Variants in RAD51B observed in about 807,000 individuals in gnomAD.
RAD51B encodes RAD51 paralog B, also known as DNA repair protein RAD51 homolog 2.
Under a neutral mutation model 42.2 loss-of-function variants are expected in RAD51B, and 38 were observed. The observed-to-expected ratio is 0.90, with a 90% CI of 0.70 to 1.18. The LOEUF (loss-of-function observed/expected upper bound fraction) is 1.18. Ranked by LOEUF, RAD51B falls within the 50% of genes most tolerant of loss-of-function variation. The pLI, the probability that RAD51B is intolerant of heterozygous loss-of-function variation, is 0.00. For synonymous variants in RAD51B, 154 were observed against 145.2 expected, an observed-to-expected ratio of 1.06 and a Z score of -0.43; for missense variants, 373 against 400.7, an observed-to-expected ratio of 0.93 and a Z score of 0.59.
At chr14:68,401,326 G>A (rs1219407715) in intron 8 of RAD51B, among the ~76,000 whole-genome samples, 5 of 152,124 alleles carry the variant, frequency 3.3e-5, no homozygotes, top group Non-Finnish European at 7.4e-5. Context: ...AAAGTATTTT[G>A]TTAAGACTCT....
At chr14:67,990,457 A>G (rs1348907198) in intron 7 of RAD51B, among the ~76,000 whole-genome samples, 1 of 152,142 alleles carries the variant, frequency 6.6e-6, no homozygotes, top group African/African-American at 2.4e-5. Flanking sequence ...TTGCCATACA[A>G]CCCGTTCCTT....
intron 10 of RAD51B, among the ~76,000 whole-genome samples, chr14:68,474,971 G>A (rs1882436492): frequency 1.3e-5 from 2 of 152,162 alleles, no homozygotes; most frequent in South Asian, 4.1e-4. Flanking sequence ...GAAGAGCCCA[G>A]GCCATTGACT....
At chr14:68,610,843 A>ATGTGTGTGTGTGTGTGTGTGTGTG (rs60173412) in intron 10 of RAD51B, among the ~76,000 whole-genome samples, 5 of 144,896 alleles carry the variant, frequency 3.5e-5, no homozygotes, top group African/African-American at 7.7e-5. Flanking sequence ...CTGAATGTAT[A>ATGTGTGTGTGTGTGTGTGTGTGTG]TGTGTGTGTG....
intron 11 of RAD51B, among the ~76,000 whole-genome samples, chr14:68,657,218 G>A (rs8006890): frequency 0.19 from 28,659 of 151,158 alleles, 2,904 homozygotes; most frequent in Admixed American, 0.23. Context: ...TAGGTCTCGC[G>A]GTGGGGGGAA....
chr14:68,264,410 G>C (rs1026355411), intron 7 of RAD51B, among the ~76,000 whole-genome samples: 1 of 152,256 alleles, frequency 6.6e-6, no homozygotes, highest in Non-Finnish European at 1.5e-5. Context: ...CTTGGTGATA[G>C]AATTTACCAG....
chr14:68,622,673 C>T (rs1242262410), intron 10 of RAD51B, among the ~76,000 whole-genome samples: 1 of 145,016 alleles, frequency 6.9e-6, no homozygotes, highest in Non-Finnish European at 1.5e-5. Flanking sequence ...TCCTGATAGC[C>T]CTTGGTGACT....
At chr14:68,046,712 G>A (rs2076306264) in intron 7 of RAD51B, among the ~76,000 whole-genome samples, 1 of 152,070 alleles carries the variant, frequency 6.6e-6, no homozygotes, top group African/African-American at 2.4e-5. Context: ...CTCCAACCTG[G>A]GCGACAGAGT....
At position 68,473,291 on chromosome 14, in the gene RAD51B, G is replaced by A. The variant is rs569002292; in HGVS notation, c.1037-4357G>A. ...GTGAACTCCTCTCCCAGAGGTCATG[G>A]AGAAGAAGGCAAAGCAGGCCTGTCA... On this transcript the variant is annotated intron_variant, in intron 10 of 10. Coordinates refer to ENST00000471583, the MANE Select transcript of RAD51B (RefSeq NM_133510.4). Among the ~76,000 whole-genome samples, 22 of 152,326 alleles carry A rather than the reference G, an allele frequency of 1.4e-4. 1 individual carries two copies. The highest frequency in any genetic ancestry group is 1.4e-3 in the Admixed American group (21 of 15,306).
At chr14:67,966,384 C>A (rs1169137150) in intron 7 of RAD51B, among the ~76,000 whole-genome samples, 1 of 152,170 alleles carries the variant, frequency 6.6e-6, no homozygotes, top group Non-Finnish European at 1.5e-5. Context: ...TTCTCCCTAA[C>A]CATTGCATCT....
At chr14:68,081,703 G>A (rs980061220) in intron 7 of RAD51B, among the ~76,000 whole-genome samples, 7 of 152,158 alleles carry the variant, frequency 4.6e-5, no homozygotes, top group East Asian at 3.9e-4. Flanking sequence ...CAGGGCATGC[G>A]ACAAGGGGGA....
chr14:68,275,455 A>T (rs1249691692), intron 7 of RAD51B, among the ~76,000 whole-genome samples: 1 of 152,014 alleles, frequency 6.6e-6, no homozygotes, highest in African/African-American at 2.4e-5. Context: ...AAAAAAAAGT[A>T]GTGGAACAAA....
intron 7 of RAD51B, among the ~76,000 whole-genome samples, chr14:68,199,924 G>A (rs1183635510): frequency 2.0e-5 from 3 of 152,190 alleles, no homozygotes; most frequent in African/African-American, 4.8e-5. Flanking sequence ...CCAGCAACCC[G>A]CCAATCTCTT....
chr14:67,871,335 AG>A lies in RAD51B; in HGVS notation c.452+6197del, dbSNP rs747543124. On this transcript the variant is annotated intron_variant, in intron 5 of 10. Transcript: ENST00000471583. ...TCTATGCAAATAAACTAGAAAATCT[AG>A]AAGAAATGGATAAACTTCTGGACAC... Among the ~76,000 whole-genome samples the A allele has an allele frequency of 2.6e-5, 4 of 152,252 alleles. No individual in the cohort carries two copies. The South Asian group carries it at 6.2e-4, about 24-fold the overall frequency.
At chr14:68,417,884 C>T (rs8010439) in intron 9 of RAD51B, among the ~76,000 whole-genome samples, 55,883 of 152,032 alleles carry the variant, frequency 0.37, 10,509 homozygotes, top group East Asian at 0.5. Flanking sequence ...GAGGGTTCCG[C>T]TGGAAATTGC....
In RAD51B at chr14:68,034,255, A is replaced by G. The variant is rs1566593865; in HGVS notation, c.756+147051A>G. Among the ~76,000 whole-genome samples, 3 of 151,496 alleles carry G rather than the reference A, an allele frequency of 2.0e-5. 1 individual carries two copies. Among genetic ancestry groups the G allele is most frequent in the Admixed American group, 2.0e-4 (3 of 15,252 alleles). On this transcript the variant is annotated intron_variant, in intron 7 of 10. Transcript: ENST00000471583. Reference sequence around the variant, plus strand: ...TTAGACACGTTTTAAGATCAGTAAGAATCATCTGCTTTTTTTTTTTTTGGT... The same window carrying G: ...TTAGACACGTTTTAAGATCAGTAAGGATCATCTGCTTTTTTTTTTTTTGGT...
rs144948250 is a variant in RAD51B, at chr14:68,174,949, A to G, written c.757-116935A>G. ...CTTTATCCTCCTTGCAAATAATGAT[A>G]TTAAGTTAGTGTAAATATTAATAAT... On this transcript the variant is annotated intron_variant, in intron 7 of 10. Coordinates refer to ENST00000471583, the MANE Select transcript of RAD51B (RefSeq NM_133510.4). Among the ~76,000 whole-genome samples the G allele has an allele frequency of 1.7e-4, 26 of 152,282 alleles. No homozygotes were observed. In the East Asian group the frequency reaches 2.9e-3, roughly 17 times the overall value.
At chr14:68,509,461 G>A (rs1885571273) in intron 10 of RAD51B, among the ~76,000 whole-genome samples, 1 of 152,224 alleles carries the variant, frequency 6.6e-6, no homozygotes, top group East Asian at 1.9e-4. Context: ...CTGTCGGGTT[G>A]TCAGGGCAAG....
chr14:68,356,760 T>C (rs2082913663), intron 8 of RAD51B, among the ~76,000 whole-genome samples: 1 of 151,896 alleles, frequency 6.6e-6, no homozygotes, highest in African/African-American at 2.4e-5. Context: ...GGCGGGCGGA[T>C]CACGAGGTCA....
chr14:68,318,874 A>T (rs1421432138), intron 8 of RAD51B, among the ~76,000 whole-genome samples: 2 of 152,246 alleles, frequency 1.3e-5, no homozygotes, highest in Non-Finnish European at 2.9e-5. Flanking sequence ...TTGGAAGAAC[A>T]TAACTTAACC....
Sources: allele counts gnomAD v4.1 joint callset (sites outside exome capture counted in the v4.1 genomes callset), GRCh38; gene constraint gnomAD v4.1.1; transcripts MANE v1.5; gene names NCBI Gene and HGNC (gene_info 2026-07-23, HGNC 2026-07-21).